The following TBC1D1 variants were observed in gnomAD, a reference collection of about 807,000 sequenced individuals.
The protein encoded by TBC1D1 is TBC1 domain family member 1, also known as TBC1 (tre-2/USP6, BUB2, cdc16) domain family, member 1.
TBC1D1 carries 89 observed loss-of-function variants against 125.6 expected under a neutral mutation model. That is an observed-to-expected ratio of 0.71 (90% CI 0.60 to 0.85). The LOEUF (loss-of-function observed/expected upper bound fraction) is 0.85. Ranked by LOEUF, TBC1D1 falls within the 40% of genes least tolerant of loss-of-function variation. The pLI, the probability that TBC1D1 is intolerant of heterozygous loss-of-function variation, is 0.00. For missense variants in TBC1D1, 1,377 were observed against 1,469.2 expected, an observed-to-expected ratio of 0.94 and a Z score of 1.03; for synonymous variants, 565 against 564.1, an observed-to-expected ratio of 1.00 and a Z score of -0.02.
intron 10 of TBC1D1, among the ~76,000 whole-genome samples, chr4:38,046,862 T>A (rs1749587428): frequency 6.6e-6 from 1 of 152,152 alleles, no homozygotes; most frequent in African/African-American, 2.4e-5. Flanking sequence ...AGCTTTCCCT[T>A]CTGCTACCAG....
At chr4:37,942,522 A>G (rs188900197) in intron 2 of TBC1D1, among the ~76,000 whole-genome samples, 1 of 151,944 alleles carries the variant, frequency 6.6e-6, no homozygotes, top group African/African-American at 2.4e-5. Flanking sequence ...ATTTACACTT[A>G]AGGTTAATAT....
intron 18 of TBC1D1, among the ~76,000 whole-genome samples, chr4:38,130,679 G>A (rs1368129332): frequency 6.6e-6 from 1 of 152,226 alleles, no homozygotes; most frequent in African/African-American, 2.4e-5. Context: ...GAACGGCTTA[G>A]GCAAGACCCT....
rs1025715538 is a variant in TBC1D1, at chr4:37,977,850, G to T, written c.418-36659G>T. Among the ~76,000 whole-genome samples, 3 of 152,096 alleles carry T rather than the reference G, an allele frequency of 2.0e-5. No individual in the cohort carries two copies. The highest frequency in any genetic ancestry group is 4.4e-5 in the Non-Finnish European group (3 of 67,994). ...TCGCTCCCCGCGCCGCGGAGCTGCC[G>T]CTCGGTGCCTCCCCGGCGCGGGACC... is the stretch of plus-strand genomic sequence containing the variant. On this transcript the variant is annotated intron_variant, in intron 2 of 19. Transcript: ENST00000261439. This position sits in a 1 kb window ranked among gnomAD's most constrained non-coding sequence, Gnocchi z 4.3.
rs371928567 is a variant in TBC1D1 at position 38,122,399 on chromosome 4, TCTGCCCTGCACAACCAGTGCCC to T, written c.2963-2557_2963-2536del. Among the ~76,000 whole-genome samples, 1,270 of 152,324 alleles carry T rather than the reference TCTGCCCTGCACAACCAGTGCCC, an allele frequency of 8.3e-3. 15 individuals carry two copies. Among genetic ancestry groups the T allele is most frequent in the African/African-American group, 0.029 (1,205 of 41,556 alleles). On this transcript the variant is annotated intron_variant, in intron 17 of 19. Coordinates refer to ENST00000261439, the MANE Select transcript of TBC1D1 (RefSeq NM_015173.4). ...CCTGCGTGCCCCCATTTGCCCACCT[TCTGCCCTGCACAACCAGTGCCC>T]CTGCCTTGCCAGCCAGACTGTTTTT...
chr4:38,110,650 A>C, intron 15 of TBC1D1: 2 of 985,430 alleles, frequency 2.0e-6, no homozygotes, highest in Non-Finnish European at 2.4e-6. Flanking sequence ...GACCCTCTCC[A>C]CTTAACAGTC....
intron 2 of TBC1D1, among the ~76,000 whole-genome samples, chr4:37,955,831 A>G (rs1473312277): frequency 1.3e-5 from 2 of 152,092 alleles, no homozygotes; most frequent in East Asian, 1.9e-4. Flanking sequence ...TATTATGCAT[A>G]TAGATTATAA....
intron 2 of TBC1D1, among the ~76,000 whole-genome samples, chr4:37,916,912 A>G (rs1041811512): frequency 6.6e-6 from 1 of 151,890 alleles, no homozygotes; most frequent in African/African-American, 2.4e-5. Flanking sequence ...CTGGGATTAG[A>G]GGCACATGCT....
intron 2 of TBC1D1, among the ~76,000 whole-genome samples, chr4:37,968,057 G>A (rs1731382125): frequency 6.6e-6 from 1 of 152,206 alleles, no homozygotes. Context: ...CATGATTGCT[G>A]TTCGTATTGA....
intron 2 of TBC1D1, among the ~76,000 whole-genome samples, chr4:37,943,242 G>A (rs943025134): frequency 2.0e-5 from 3 of 152,166 alleles, no homozygotes; most frequent in Non-Finnish European, 4.4e-5. Flanking sequence ...TGGGTAACCC[G>A]ACCTTTCTCT....
rs1211996032 is a variant in TBC1D1, at chr4:37,952,016, C to T, written c.417+49504C>T. On this transcript the variant is annotated intron_variant, in intron 2 of 19. Transcript: ENST00000261439. ...TTCCCTGTATTACAGTGCTCATCAT[C>T]ACTGTAGGGGACCTTTGAAAGAGCT... 4.2e-6 allele frequency: 3 copies of T among 717,618 alleles called. No individual in the cohort carries two copies. In the Admixed American group the frequency reaches 6.0e-5, roughly 14 times the overall value. The allele number at this position is 717,618 out of a possible 1,614,324, so 44.5% of individuals were successfully genotyped here.
chr4:38,102,600 C>A (rs935791195), intron 14 of TBC1D1, among the ~76,000 whole-genome samples: 1 of 152,076 alleles, frequency 6.6e-6, no homozygotes, highest in Non-Finnish European at 1.5e-5. Flanking sequence ...GAACCAGTGG[C>A]CAGGCATGAT....
chr4:37,998,715 G>A (rs929479933), intron 2 of TBC1D1, among the ~76,000 whole-genome samples: 1 of 152,208 alleles, frequency 6.6e-6, no homozygotes, highest in Non-Finnish European at 1.5e-5. Flanking sequence ...AAACGGGAAT[G>A]AGGGTGTCTT....
In TBC1D1 at chr4:37,977,418, G is replaced by A. The variant is rs1733384681; in HGVS notation, c.418-37091G>A. On this transcript the variant is annotated intron_variant, in intron 2 of 19. Coordinates refer to ENST00000261439, the MANE Select transcript of TBC1D1 (RefSeq NM_015173.4). This position sits in a 1 kb window ranked among gnomAD's most constrained non-coding sequence, Gnocchi z 4.3. Reference sequence around the variant, plus strand: ...CCCGGCCCCGCCGCTCCCCAAGCCCGCCCCCGGCCGCCCGCGGGCCCACGG... The same window carrying A: ...CCCGGCCCCGCCGCTCCCCAAGCCCACCCCCGGCCGCCCGCGGGCCCACGG... The A allele has an allele frequency of 4.4e-6, 4 of 912,450 alleles. No individual in the cohort carries two copies. The highest frequency in any genetic ancestry group is 5.2e-6 in the Non-Finnish European group (4 of 765,136). The allele number at this position is 912,450 out of a possible 1,614,324, so 56.5% of individuals were successfully genotyped here.
At chr4:37,974,982 C>T (rs1732780249) in intron 2 of TBC1D1, among the ~76,000 whole-genome samples, 1 of 152,120 alleles carries the variant, frequency 6.6e-6, no homozygotes, top group Non-Finnish European at 1.5e-5. Flanking sequence ...GTTTTTTCCC[C>T]GTGTGCAGAG....
chr4:38,053,198 A>G (rs1229876058), intron 11 of TBC1D1: 2 of 1,525,840 alleles, frequency 1.3e-6, no homozygotes, highest in Non-Finnish European at 1.8e-6. Context: ...GATGAAAATA[A>G]CACCTCTGAT....
At chr4:37,932,296 T>C (rs1275980708) in intron 2 of TBC1D1, among the ~76,000 whole-genome samples, 1 of 152,212 alleles carries the variant, frequency 6.6e-6, no homozygotes. Flanking sequence ...ATTTGATTCA[T>C]TTTGGGGCTT....
intron 11 of TBC1D1, among the ~76,000 whole-genome samples, chr4:38,050,930 A>G (rs538549004): frequency 1.7e-4 from 26 of 152,326 alleles, no homozygotes; most frequent in African/African-American, 6.0e-4. Context: ...AGCAGGGGAC[A>G]TGTCAGAAGG....
intron 11 of TBC1D1, 48 bp from the exon 13 acceptor site, chr4:38,053,058 G>C: frequency 7.8e-7 from 1 of 1,280,768 alleles, no homozygotes; most frequent in Admixed American, 3.9e-5. Context: ...TATACTTTGT[G>C]TTTTTATGTT....
At chr4:38,038,943 C>T (rs1370475242) in intron 8 of TBC1D1, among the ~76,000 whole-genome samples, 2 of 137,752 alleles carry the variant, frequency 1.5e-5, no homozygotes, top group Non-Finnish European at 3.1e-5. Context: ...GAGACTCCCT[C>T]TCGGGAAAAA....
Sources: gnomAD v4.1 joint callset for allele counts (sites outside exome capture counted in the v4.1 genomes callset) on GRCh38, gnomAD v4.1.1 for gene constraint, Gnocchi (gnomAD v3.1) non-coding constraint, MANE v1.5 for transcripts, NCBI Gene and HGNC (gene_info 2026-07-23, HGNC 2026-07-21) for gene names.